Variants in INPP4A observed in about 807,000 individuals in gnomAD.
INPP4A encodes inositol polyphosphate-4-phosphatase, type I, 107kD.
INPP4A carries 33 observed loss-of-function variants against 119.8 expected under a neutral mutation model. That is an observed-to-expected ratio of 0.28 (90% CI 0.21 to 0.37). INPP4A has a LOEUF of 0.37. Among genes scored for constraint, INPP4A ranks in the 10% least tolerant of loss-of-function variants. The pLI is 1.00. For missense variants in INPP4A, 956 were observed against 1,289.9 expected, an observed-to-expected ratio of 0.74 and a Z score of 3.97; for synonymous variants, 496 against 500.7, an observed-to-expected ratio of 0.99 and a Z score of 0.12.
chr2:98,582,353 A>T (rs1432757402), intron 24 of INPP4A, among the ~76,000 whole-genome samples: 1 of 152,240 alleles, frequency 6.6e-6, no homozygotes, highest in African/African-American at 2.4e-5. Context: ...TATTATTTCC[A>T]ATTAAGGATG....
At chr2:98,563,677 T>C in intron 18 of INPP4A, 40 bp downstream of exon 18, 1 of 1,599,116 alleles carries the variant, frequency 6.3e-7, no homozygotes, top group Non-Finnish European at 8.5e-7. Flanking sequence ...CACGGGCACC[T>C]CTCAGCTCAG....
At chr2:98,539,084 A>G in intron 9 of INPP4A, 103 bp downstream of exon 9, 2 of 617,076 alleles carry the variant, frequency 3.2e-6, no homozygotes, top group East Asian at 2.8e-5. Flanking sequence ...CCAGCCATGC[A>G]CCCTAATTGT....
intron 1 of INPP4A, among the ~76,000 whole-genome samples, chr2:98,445,996 G>T (rs536810033): frequency 6.6e-6 from 1 of 152,228 alleles, no homozygotes; most frequent in Non-Finnish European, 1.5e-5. Context: ...GTGGGGTGGC[G>T]ATTTGGGTGT....
chr2:98,552,817 A>T lies in INPP4A; in HGVS notation c.1195A>T (p.Ile399Leu). The change falls in exon 14 of 25, where the codon ATA becomes TTA. Residue 399 changes from isoleucine to leucine, a missense_variant. Ile to Leu is a conservative substitution (Grantham distance 5). This residue lies in a region of INPP4A where 652 missense variants were observed against 797.9 expected (regional missense o/e 0.82). Coordinates refer to ENST00000409851, the MANE Select transcript of INPP4A (RefSeq NM_001134225.2). ...ATCTGGCTGCCAGTCCATAATCTAC[A>T]TACCCCAGGATGTTGTCAGAGCCAA... is the stretch of plus-strand genomic sequence containing the variant. Reference protein sequence around the residue: ...TSSGCQSIIYIPQDVVRAKEI... With the variant: ...TSSGCQSIIYLPQDVVRAKEI... 6.2e-7 allele frequency: 1 copy of T among 1,613,798 alleles called. No homozygotes were observed. The highest frequency in any genetic ancestry group is 1.1e-5 in the South Asian group (1 of 91,056).
intron 17 of INPP4A, among the ~76,000 whole-genome samples, chr2:98,561,419 C>T (rs1237598421): frequency 6.6e-6 from 1 of 152,208 alleles, no homozygotes; most frequent in Non-Finnish European, 1.5e-5. Flanking sequence ...GCCCAAGAAA[C>T]TCACTTTGGT....
intron 4 of INPP4A, among the ~76,000 whole-genome samples, chr2:98,528,297 G>A (rs565558321): frequency 6.6e-6 from 1 of 151,814 alleles, no homozygotes; most frequent in Non-Finnish European, 1.5e-5. Flanking sequence ...GGTTTGAGAA[G>A]GCAGAAGAAA....
At position 98,563,657 on chromosome 2, in the gene INPP4A, C is replaced by T. The variant is rs372853013; in HGVS notation, c.2028+20C>T. ...CAGACGGTAGGCCCCGGGAGCACCC[C>T]GAGGGAGACCACGGGCACCTCTCAG... On this transcript the variant is annotated intron_variant, in intron 18 of 24. Coordinates refer to ENST00000409851, the MANE Select transcript of INPP4A (RefSeq NM_001134225.2). 5.7e-5 allele frequency: 92 copies of T among 1,609,922 alleles called. No individual in the cohort carries two copies. Among genetic ancestry groups the T allele is most frequent in the African/African-American group, 4.4e-4 (33 of 74,886 alleles).
At chr2:98,536,744 G>A (rs1023870215) in intron 7 of INPP4A, among the ~76,000 whole-genome samples, 15 of 152,116 alleles carry the variant, frequency 9.9e-5, no homozygotes, top group African/African-American at 3.6e-4. Flanking sequence ...TTCAGAAAAA[G>A]GTAAAAATTG....
At chr2:98,537,122 C>G (rs928953651) in intron 7 of INPP4A, among the ~76,000 whole-genome samples, 17 of 152,152 alleles carry the variant, frequency 1.1e-4, no homozygotes, top group Admixed American at 1.0e-3. Context: ...ACAGATAGAG[C>G]AGGAAAGGAC....
chr2:98,497,296 T>G (rs556223440), intron 1 of INPP4A, among the ~76,000 whole-genome samples: 2 of 152,344 alleles, frequency 1.3e-5, no homozygotes, highest in East Asian at 1.9e-4. Flanking sequence ...GCTGCACAGG[T>G]GGGGCCCTCA....
At chr2:98,491,098 G>A (rs535090171) in intron 1 of INPP4A, among the ~76,000 whole-genome samples, 22 of 152,250 alleles carry the variant, frequency 1.4e-4, no homozygotes, top group African/African-American at 4.8e-4. Flanking sequence ...TGCCTATGTC[G>A]GCTTGCAGCA....
intron 2 of INPP4A, chr2:98,519,354 C>T (rs1686739028): frequency 6.6e-6 from 1 of 152,270 alleles, no homozygotes; most frequent in South Asian, 2.1e-4. Flanking sequence ...TTACCCAGAG[C>T]CCTCCCTTTC....
At chr2:98,468,190 C>A (rs538578353) in intron 1 of INPP4A, among the ~76,000 whole-genome samples, 108 of 152,222 alleles carry the variant, frequency 7.1e-4, no homozygotes, top group Middle Eastern at 3.4e-3. Context: ...AAAGTGAGAT[C>A]CTTAGATATA....
chr2:98,567,533 G>C (rs1332905385), intron 21 of INPP4A, among the ~76,000 whole-genome samples: 1 of 152,172 alleles, frequency 6.6e-6, no homozygotes, highest in Admixed American at 6.5e-5. Context: ...GAAAATGATG[G>C]TGCCTGCATC....
intron 23 of INPP4A, among the ~76,000 whole-genome samples, chr2:98,573,224 C>T (rs939799226): frequency 2.6e-5 from 4 of 152,218 alleles, no homozygotes; most frequent in African/African-American, 9.6e-5. Context: ...CAGCTGAAAA[C>T]CACTGTCTAC....
intron 1 of INPP4A, among the ~76,000 whole-genome samples, chr2:98,445,371 T>A (rs10199199): frequency 6.6e-6 from 1 of 152,042 alleles, no homozygotes; most frequent in African/African-American, 2.4e-5. Flanking sequence ...GCAGACGCGG[T>A]GCCTGCCCGA....
At chr2:98,584,802 A>G (rs1000756103) in intron 24 of INPP4A, among the ~76,000 whole-genome samples, 3 of 152,252 alleles carry the variant, frequency 2.0e-5, no homozygotes, top group Non-Finnish European at 4.4e-5. Flanking sequence ...AAAGAAACTC[A>G]GTTGCTCTCC....
rs148072401 is a variant in INPP4A, at chr2:98,553,903, A to T, written c.1348-368A>T. ...CACAATTGAACCAAAGTAAGGCCTG[A>T]CCCCTGGACACTTGTTCCCTGGAAG... On this transcript the variant is annotated intron_variant, in intron 14 of 24. Coordinates refer to ENST00000409851, the MANE Select transcript of INPP4A (RefSeq NM_001134225.2). Among the ~76,000 whole-genome samples the T allele has an allele frequency of 3.3e-3, 503 of 152,264 alleles. 1 individual carries two copies. Among genetic ancestry groups the T allele is most frequent in the Non-Finnish European group, 6.0e-3 (407 of 68,032 alleles).
rs985382116 is a variant in INPP4A at position 98,587,775 on chromosome 2, GT to G, written c.*174del. On this transcript the variant is annotated 3_prime_UTR_variant, in exon 25 of 25. Transcript: ENST00000409851. ...CTGGAGCATGTTTTTTGTTTTTTGG[GT>G]TTTTTTCCCCATTGGAATCAATAGG... 20 of 558,630 alleles carry G rather than the reference GT, an allele frequency of 3.6e-5. No individual in the cohort carries two copies. Among genetic ancestry groups the G allele is most frequent in the Admixed American group, 1.2e-4 (3 of 25,096 alleles). 34.6% of individuals were successfully genotyped at this position (558,630 alleles called of 1,614,324 possible).
Sources: gnomAD v4.1 joint callset for allele counts (sites outside exome capture counted in the v4.1 genomes callset) on GRCh38, gnomAD v4.1.1 for gene constraint, gnomAD v4.1.1 regional missense constraint, MANE v1.5 for transcripts, NCBI Gene and HGNC (gene_info 2026-07-23, HGNC 2026-07-21) for gene names.